Variants in PLB1 observed in about 807,000 individuals in gnomAD.
PLB1 encodes phospholipase B1.
PLB1 carries 242 observed loss-of-function variants against 227.4 expected under a neutral mutation model. The ratio of observed to expected loss-of-function variants is 1.06; its 90% CI spans 0.96 to 1.18. PLB1 has a LOEUF of 1.18. Ranked by LOEUF, PLB1 falls within the 50% of genes most tolerant of loss-of-function variation. The pLI is 0.00. For synonymous variants in PLB1, 757 were observed against 682.2 expected, an observed-to-expected ratio of 1.11 and a Z score of -1.71; for missense variants, 1,858 against 1,816.3, an observed-to-expected ratio of 1.02 and a Z score of -0.42.
intron 28 of PLB1, 95 bp downstream of exon 28, chr2:28,589,865 A>C (rs762890519): frequency 7.3e-7 from 1 of 1,369,304 alleles, no homozygotes; most frequent in Non-Finnish European, 1.0e-6. Flanking sequence ...CGTGCAGGCC[A>C]TGTGATTCTA....
intron 43 of PLB1, among the ~76,000 whole-genome samples, chr2:28,613,627 A>G (rs1170491129): frequency 6.6e-6 from 1 of 152,244 alleles, no homozygotes; most frequent in Non-Finnish European, 1.5e-5. Flanking sequence ...CAGAAAGAAA[A>G]ACATTACAGA....
At chr2:28,547,791 G>C (rs1302051339) in intron 14 of PLB1, among the ~76,000 whole-genome samples, 1 of 152,030 alleles carries the variant, frequency 6.6e-6, no homozygotes, top group Non-Finnish European at 1.5e-5. Context: ...CCAAGCTATT[G>C]CATTTTTCTT....
rs1440872224 is a variant in PLB1, at chr2:28,532,062, A to G, written c.469-46A>G. 15 of 1,446,156 alleles carry G rather than the reference A, an allele frequency of 1.0e-5. No homozygotes were observed. The Admixed American group carries it at 1.1e-4, about 10-fold the overall frequency. The allele number at this position is 1,446,156 out of a possible 1,614,324, so 89.6% of individuals were successfully genotyped here. The stretch of plus-strand genomic sequence containing the variant: ...AAAACAAAGACATTATTTTGGTTCA[A>G]GGTCTTAACACAATCTCCTTTTCAT... On this transcript the variant is annotated intron_variant, in intron 8 of 57. Coordinates refer to ENST00000327757, the MANE Select transcript of PLB1 (RefSeq NM_153021.5).
intron 34 of PLB1, 39 bp from the exon 35 acceptor site, chr2:28,598,613 G>C (rs1314852949): frequency 1.3e-6 from 2 of 1,530,314 alleles, no homozygotes; most frequent in Non-Finnish European, 9.1e-7. Context: ...CTGGCTTTCT[G>C]TTCTGAGCCG....
intron 26 of PLB1, 116 bp downstream of exon 26, chr2:28,585,958 A>C: frequency 1.1e-6 from 1 of 911,610 alleles, no homozygotes; most frequent in Non-Finnish European, 1.8e-6. Context: ...ATGACCACTG[A>C]CTAGTTTGCT....
chr2:28,540,926 T>C (rs1672391054), intron 12 of PLB1, among the ~76,000 whole-genome samples: 1 of 152,106 alleles, frequency 6.6e-6, no homozygotes, highest in Admixed American at 6.6e-5. Flanking sequence ...ATCCCAGTAT[T>C]TTGGGAGGCT....
intron 14 of PLB1, among the ~76,000 whole-genome samples, chr2:28,544,602 C>T (rs1234441412): frequency 6.6e-6 from 1 of 152,170 alleles, no homozygotes; most frequent in African/African-American, 2.4e-5. Context: ...GGCCAGACAG[C>T]CCAGAGGAAC....
chr2:28,638,042 A>G (rs971096454), intron 56 of PLB1, among the ~76,000 whole-genome samples: 19 of 152,068 alleles, frequency 1.2e-4, no homozygotes, highest in Non-Finnish European at 2.1e-4. Flanking sequence ...CCATCAAACA[A>G]GTATTTACTG....
chr2:28,538,960 A>G (rs1227426804), intron 10 of PLB1, 139 bp from the exon 11 acceptor site: 10 of 691,910 alleles, frequency 1.4e-5, no homozygotes, highest in Non-Finnish European at 2.7e-5. Context: ...ACATCTCCCA[A>G]AGGATCAGGC....
Position 28,643,069 on chromosome 2 carries a change from G to A in PLB1, c.*8G>A, listed in dbSNP as rs1343826367. The A allele has an allele frequency of 6.3e-7, 1 of 1,587,706 alleles. No homozygotes were observed. Among genetic ancestry groups the A allele is most frequent in the South Asian group, 1.1e-5 (1 of 87,494 alleles). ...CGCACTGTGGCCCTCTAGGCCCGGG[G>A]GTGGGTCCTCACCCTAAACTCCCTA... is the stretch of plus-strand genomic sequence containing the variant. On this transcript the variant is annotated 3_prime_UTR_variant, in exon 58 of 58. Coordinates refer to ENST00000327757, the MANE Select transcript of PLB1 (RefSeq NM_153021.5).
chr2:28,637,379 T>C (rs913191346), intron 56 of PLB1, among the ~76,000 whole-genome samples: 4 of 151,906 alleles, frequency 2.6e-5, no homozygotes, highest in Non-Finnish European at 4.4e-5. Context: ...TCTGACTTAA[T>C]TGGTCTGGAG....
At chr2:28,523,335 G>C (rs1217802638) in intron 4 of PLB1, among the ~76,000 whole-genome samples, 3 of 116,894 alleles carry the variant, frequency 2.6e-5, no homozygotes, top group African/African-American at 6.3e-5. Flanking sequence ...TATCTGCGAG[G>C]TTTTTTTTTT....
intron 33 of PLB1, 42 bp downstream of exon 33, chr2:28,593,796 C>G (rs373962531): frequency 6.5e-7 from 1 of 1,548,110 alleles, no homozygotes; most frequent in Non-Finnish European, 8.9e-7. Context: ...CCCCCCACAA[C>G]AGAGATTAGG....
chr2:28,623,370 G>A (rs1687303334), intron 49 of PLB1, among the ~76,000 whole-genome samples: 1 of 151,966 alleles, frequency 6.6e-6, no homozygotes, highest in African/African-American at 2.4e-5. Context: ...AGGAAGAGGG[G>A]AAGAAGCGGC....
chr2:28,568,787 A>G (rs1419639100), intron 20 of PLB1, among the ~76,000 whole-genome samples: 1 of 152,220 alleles, frequency 6.6e-6, no homozygotes, highest in Admixed American at 6.5e-5. Flanking sequence ...AAGAATTAGA[A>G]TTCGTCAGGT....
chr2:28,607,280 C>T (rs1347764375), intron 43 of PLB1, among the ~76,000 whole-genome samples: 1 of 152,208 alleles, frequency 6.6e-6, no homozygotes, highest in African/African-American at 2.4e-5. Flanking sequence ...AGGCCTGACC[C>T]AATCTGGGAG....
intron 43 of PLB1, among the ~76,000 whole-genome samples, chr2:28,609,780 A>G (rs982891930): frequency 6.6e-6 from 1 of 152,208 alleles, no homozygotes; most frequent in Non-Finnish European, 1.5e-5. Context: ...CAAGCTCTAC[A>G]GGCATGAAAT....
rs1686987424 is a variant in PLB1 at position 28,621,069 on chromosome 2, C to T, written c.3527+91C>T. ...AGGAGAGGAGGGTGGTGTCCAGAAG[C>T]CTGGTCCCAGGGGCAATAGCAGCTG... On this transcript the variant is annotated intron_variant, in intron 49 of 57. Coordinates refer to ENST00000327757, the MANE Select transcript of PLB1 (RefSeq NM_153021.5). 2.7e-6 allele frequency: 3 copies of T among 1,105,280 alleles called. No individual in the cohort carries two copies. In the South Asian group the frequency reaches 4.4e-5, roughly 16 times the overall value. The allele number at this position is 1,105,280 out of a possible 1,614,324, so 68.5% of individuals were successfully genotyped here.
intron 43 of PLB1, among the ~76,000 whole-genome samples, chr2:28,607,316 A>G (rs1245604569): frequency 6.6e-6 from 1 of 152,106 alleles, no homozygotes. Flanking sequence ...TAGGTCGGCC[A>G]CACCACCCTC....
Sources: gnomAD v4.1 joint callset for allele counts (sites outside exome capture counted in the v4.1 genomes callset) on GRCh38, gnomAD v4.1.1 for gene constraint, MANE v1.5 for transcripts, NCBI Gene and HGNC (gene_info 2026-07-23, HGNC 2026-07-21) for gene names.